HECW2: variants seen among roughly 807,000 people sequenced by gnomAD.
The protein encoded by HECW2 is HECT, C2 and WW domain containing E3 ubiquitin protein ligase 2.
A neutral mutation model predicts 175.2 loss-of-function variants in HECW2; 61 were observed. That is an observed-to-expected ratio of 0.35 (90% CI 0.28 to 0.43). The LOEUF is 0.43. Ranked by LOEUF, HECW2 falls within the 20% of genes least tolerant of loss-of-function variation. HECW2 has a pLI of 1.00. For missense variants in HECW2, 1,524 were observed against 2,000.5 expected (o/e 0.76, Z 4.54); for synonymous variants, 671 against 731.0 (o/e 0.92, Z 1.32).
intron 21 of HECW2, among the ~76,000 whole-genome samples, chr2:196,237,042 A>G (rs1037593897): frequency 2.6e-5 from 4 of 152,218 alleles, no homozygotes; most frequent in Admixed American, 1.3e-4. Flanking sequence ...CAGCTACAAC[A>G]TAACAGAGTT....
At chr2:196,335,638 AT>A in intron 3 of HECW2, among the ~76,000 whole-genome samples, 1 of 152,168 alleles carries the variant, frequency 6.6e-6, no homozygotes, top group East Asian at 1.9e-4. Flanking sequence ...CTGAAGAAAA[AT>A]CCTCTTCCAG....
intron 1 of HECW2, among the ~76,000 whole-genome samples, chr2:196,437,419 C>T (rs1695909691): frequency 6.6e-6 from 1 of 151,744 alleles, no homozygotes; most frequent in African/African-American, 2.4e-5. Context: ...CAAGATCAAC[C>T]TGGCCAACAT....
At chr2:196,403,461 A>T (rs1166968532) in intron 2 of HECW2, among the ~76,000 whole-genome samples, 1 of 152,198 alleles carries the variant, frequency 6.6e-6, no homozygotes, top group Non-Finnish European at 1.5e-5. Context: ...GATACAGTAA[A>T]CACAAACCTT....
chr2:196,272,409 T>A (rs909012683), intron 16 of HECW2, among the ~76,000 whole-genome samples: 1 of 152,242 alleles, frequency 6.6e-6, no homozygotes, highest in African/African-American at 2.4e-5. Context: ...TTACTTAAGA[T>A]GATTCATCTT....
intron 3 of HECW2, among the ~76,000 whole-genome samples, chr2:196,339,503 C>G (rs1692670001): frequency 6.6e-6 from 1 of 152,170 alleles, no homozygotes; most frequent in Non-Finnish European, 1.5e-5. Context: ...GTTTAGTACT[C>G]TAAGCTCACT....
At chr2:196,434,170 T>C (rs1357210587) in intron 1 of HECW2, among the ~76,000 whole-genome samples, 2 of 152,238 alleles carry the variant, frequency 1.3e-5, no homozygotes, top group African/African-American at 4.8e-5. Context: ...ATCTGTTTTG[T>C]TGGCTACTTT....
At chr2:196,231,013 G>C (rs1463611685) in intron 21 of HECW2, among the ~76,000 whole-genome samples, 1 of 126,938 alleles carries the variant, frequency 7.9e-6, no homozygotes, top group Non-Finnish European at 1.6e-5. Context: ...TGAGGCAGGA[G>C]AATCACTTGA....
Position 196,410,824 on chromosome 2 carries a change from G to A in HECW2, c.292+22308C>T, listed in dbSNP as rs183296042. 6.1e-4 allele frequency among the ~76,000 whole-genome samples: 93 copies of A among 152,180 alleles called. 1 individual carries two copies. Among genetic ancestry groups the A allele is most frequent in the Non-Finnish European group, 1.1e-3 (73 of 68,004 alleles). On this transcript the variant is annotated intron_variant, in intron 2 of 28. Transcript: ENST00000644978. ...TCCAAATATGATTCAGACATGGTCA[G>A]TCTGTAAAGTCAAGAAGTCCACAGA...
intron 1 of HECW2, among the ~76,000 whole-genome samples, chr2:196,501,839 G>A (rs1687588798): frequency 6.6e-6 from 1 of 152,114 alleles, no homozygotes; most frequent in South Asian, 2.1e-4. Flanking sequence ...ATTCAATAAT[G>A]TTTAGTCCAT....
intron 2 of HECW2, among the ~76,000 whole-genome samples, chr2:196,425,191 A>C (rs1396365082): frequency 6.7e-6 from 1 of 149,292 alleles, no homozygotes; most frequent in East Asian, 2.0e-4. Flanking sequence ...ATTTTGCTGA[A>C]TATTTTAAGG....
intron 1 of HECW2, among the ~76,000 whole-genome samples, chr2:196,526,730 C>A (rs1360269462): frequency 2.6e-5 from 4 of 151,742 alleles, no homozygotes; most frequent in Non-Finnish European, 5.9e-5. Context: ...TGTTGGAATA[C>A]CCTGCCCTGT....
In HECW2 at chr2:196,196,003, C is replaced by A. The variant is rs1379055306; in HGVS notation, c.*5274G>T. 6.6e-6 allele frequency: 1 copy of A among 152,000 alleles called. No individual in the cohort carries two copies. The highest frequency in any genetic ancestry group is 1.9e-4 in the East Asian group (1 of 5,168). 9.4% of individuals were successfully genotyped at this position (152,000 alleles called of 1,614,324 possible). A position where few individuals can be genotyped will look rare whatever the true frequency, so the allele number is the denominator to read the frequency against. On this transcript the variant is annotated 3_prime_UTR_variant, in exon 29 of 29. Coordinates refer to ENST00000644978, the MANE Select transcript of HECW2 (RefSeq NM_001348768.2). ...AACCAAATTGAAGTATGTTCCTACC[C>A]CCACCAGCAAGCCCTAAGATGATCC...
rs188552960 is a variant in HECW2 at position 196,346,881 on chromosome 2, G to A, written c.293-3117C>T. 3.1e-3 allele frequency among the ~76,000 whole-genome samples: 463 copies of A among 150,920 alleles called. 1 individual carries two copies. Among genetic ancestry groups the A allele is most frequent in the Admixed American group, 4.3e-3 (65 of 15,170 alleles). On this transcript the variant is annotated intron_variant, in intron 2 of 28. Coordinates refer to ENST00000644978, the MANE Select transcript of HECW2 (RefSeq NM_001348768.2). ...AAATTAGCTGGGCGTGGTGACAGGC[G>A]CCTGTAATCCCAGCTACTCGGGAGG...
intron 1 of HECW2, among the ~76,000 whole-genome samples, chr2:196,586,890 T>G (rs186781587): frequency 1.3e-5 from 2 of 152,180 alleles, no homozygotes; most frequent in East Asian, 1.9e-4. Flanking sequence ...AACCATAAAG[T>G]GAAATATCTG....
At chr2:196,555,125 G>C (rs1575667834) in intron 1 of HECW2, among the ~76,000 whole-genome samples, 1 of 152,036 alleles carries the variant, frequency 6.6e-6, no homozygotes, top group Admixed American at 6.6e-5. Context: ...GACTAAATAA[G>C]GAAGAAAAAA....
chr2:196,260,845 TA>T (rs1269260647), intron 17 of HECW2, among the ~76,000 whole-genome samples: 1 of 152,264 alleles, frequency 6.6e-6, no homozygotes, highest in African/African-American at 2.4e-5. Flanking sequence ...CTTGGTCTAC[TA>T]GAAATTTGCA....
rs1386422821 is a variant in HECW2, at chr2:196,196,902, T to C, written c.*4375A>G. On this transcript the variant is annotated 3_prime_UTR_variant, in exon 29 of 29. Coordinates refer to ENST00000644978, the MANE Select transcript of HECW2 (RefSeq NM_001348768.2). ...CGCTTGAGCTCAAGAGTTTGAGACG[T>C]GCCTGGGCCTTGTCTCTACAAAAAT... 1 of 152,158 alleles carries C rather than the reference T, an allele frequency of 6.6e-6. No individual in the cohort carries two copies. Among genetic ancestry groups the C allele is most frequent in the Non-Finnish European group, 1.5e-5 (1 of 68,122 alleles). The allele number at this position is 152,158 out of a possible 1,614,324, so 9.4% of individuals were successfully genotyped here. A position where few individuals can be genotyped will look rare whatever the true frequency, so the allele number is the denominator to read the frequency against.
At chr2:196,279,032 C>T (rs1241068676) in intron 14 of HECW2, among the ~76,000 whole-genome samples, 2 of 151,862 alleles carry the variant, frequency 1.3e-5, no homozygotes, top group Non-Finnish European at 2.9e-5. Flanking sequence ...AAGTTCTTAC[C>T]ACCTTGAAAC....
chr2:196,353,394 T>C (rs777498268), intron 2 of HECW2, among the ~76,000 whole-genome samples: 11 of 152,234 alleles, frequency 7.2e-5, no homozygotes, highest in Admixed American at 2.6e-4. Context: ...ACATACTCTA[T>C]AAGAATCTAG....
Sources: gnomAD v4.1 joint callset for allele counts (sites outside exome capture counted in the v4.1 genomes callset) on GRCh38, gnomAD v4.1.1 for gene constraint, MANE v1.5 for transcripts, NCBI Gene and HGNC (gene_info 2026-07-23, HGNC 2026-07-21) for gene names.